The following RYR3 variants were observed in gnomAD, a reference collection of about 807,000 sequenced individuals.
RYR3 encodes ryanodine receptor 3.
RYR3 carries 207 observed loss-of-function variants against 584.3 expected under a neutral mutation model. The ratio of observed to expected loss-of-function variants is 0.35; its 90% CI spans 0.32 to 0.40. RYR3 has a LOEUF of 0.40. Ranked by LOEUF, RYR3 falls within the 10% of genes least tolerant of loss-of-function variation. The pLI, the probability that RYR3 is intolerant of heterozygous loss-of-function variation, is 1.00. For missense variants in RYR3, 5,616 were observed against 6,089.2 expected, an observed-to-expected ratio of 0.92 and a Z score of 2.59; for synonymous variants, 2,416 against 2,248.5, an observed-to-expected ratio of 1.07 and a Z score of -2.11.
chr15:33,363,476 T>C (rs1221297750), intron 1 of RYR3, among the ~76,000 whole-genome samples: 1 of 152,220 alleles, frequency 6.6e-6, no homozygotes, highest in Non-Finnish European at 1.5e-5. Flanking sequence ...ACTAGTGGCA[T>C]GGAAGCTCCT....
At chr15:33,551,098 G>T (rs946311520) in intron 10 of RYR3, among the ~76,000 whole-genome samples, 8 of 152,188 alleles carry the variant, frequency 5.3e-5, no homozygotes, top group Non-Finnish European at 1.2e-4. Flanking sequence ...GCTGGATCTA[G>T]CTGAACGGTC....
At position 33,652,770 on chromosome 15, in the gene RYR3, T is replaced by G; in HGVS notation, c.4195T>G (p.Ser1399Ala). 5 of 1,613,894 alleles carry G rather than the reference T, an allele frequency of 3.1e-6. No homozygotes were observed. Among genetic ancestry groups the G allele is most frequent in the Non-Finnish European group, 3.4e-6 (4 of 1,179,846 alleles). Residue 1399 changes from serine to alanine, a missense_variant, in exon 32 of 104, where the codon TCC becomes GCC. By Grantham distance (99) the Ser-to-Ala change is moderately conservative. Transcript: ENST00000634891. ...CTGGGGTGGAGACATTGTAGCCAGTTCCCAGAGATCAAATCGGAGCAACGT... is the reference window on the plus strand; with the variant it reads ...CTGGGGTGGAGACATTGTAGCCAGTGCCCAGAGATCAAATCGGAGCAACGT... ...MVWGGDIVAS[S>A]QRSNRSNVDL...
intron 1 of RYR3, among the ~76,000 whole-genome samples, chr15:33,466,076 TG>T (rs780921778): frequency 1.3e-5 from 2 of 152,206 alleles, no homozygotes; most frequent in African/African-American, 4.8e-5. Flanking sequence ...GAGTAGCATT[TG>T]GAAACACAAG....
chr15:33,547,452 T>A (rs1188236322), intron 8 of RYR3, among the ~76,000 whole-genome samples: 1 of 152,182 alleles, frequency 6.6e-6, no homozygotes, highest in Non-Finnish European at 1.5e-5. Flanking sequence ...AAACGTACCC[T>A]GGTAATATAG....
At chr15:33,825,974 T>A (rs763439985) in intron 82 of RYR3, among the ~76,000 whole-genome samples, 3 of 152,078 alleles carry the variant, frequency 2.0e-5, no homozygotes, top group Non-Finnish European at 4.4e-5. Flanking sequence ...CCTCAGGTGA[T>A]CCACCCCACC....
chr15:33,447,159 G>C (rs1440919150), intron 1 of RYR3, among the ~76,000 whole-genome samples: 2 of 152,236 alleles, frequency 1.3e-5, no homozygotes, highest in African/African-American at 4.8e-5. Context: ...ACATGTGTTA[G>C]TATTAGTTTG....
intron 60 of RYR3, among the ~76,000 whole-genome samples, chr15:33,763,904 A>AAAAAAAAAAAAAAAAAAAAAC (rs1567121773): frequency 1.5e-5 from 2 of 130,576 alleles, no homozygotes; most frequent in African/African-American, 6.6e-5. Context: ...AAAAAAAAAA[A>AAAAAAAAAAAAAAAAAAAAAC]AAAAAAAAAA....
intron 13 of RYR3, among the ~76,000 whole-genome samples, chr15:33,580,695 A>G (rs138309989): frequency 6.6e-6 from 1 of 152,310 alleles, no homozygotes; most frequent in African/African-American, 2.4e-5. Context: ...ACAAGCCACA[A>G]GCCTTTTCCA....
chr15:33,671,740 T>C (rs2063846871), intron 38 of RYR3, among the ~76,000 whole-genome samples: 1 of 152,014 alleles, frequency 6.6e-6, no homozygotes, highest in African/African-American at 2.4e-5. Flanking sequence ...GTTACCCATA[T>C]GTCTCCTATA....
intron 32 of RYR3, among the ~76,000 whole-genome samples, chr15:33,655,791 A>G (rs974255921): frequency 6.6e-6 from 1 of 152,192 alleles, no homozygotes; most frequent in Non-Finnish European, 1.5e-5. Flanking sequence ...GTGTCCTGCC[A>G]TGCATTTGGT....
At chr15:33,706,849 T>G in intron 42 of RYR3, 70 bp from the exon 43 acceptor site, 1 of 1,439,904 alleles carries the variant, frequency 6.9e-7, no homozygotes, top group Non-Finnish European at 9.4e-7. Flanking sequence ...CACTTGTTAT[T>G]TTTTGAGGTG....
chr15:33,858,037 C>T lies in RYR3; in HGVS notation c.14142+123C>T, dbSNP rs1357646923. Reference sequence around the variant, plus strand: ...GAACTGTAGAGTTAGTTACAGAGCACAGCAGAGATTAAAGTAGAAGACAGA... The same window carrying T: ...GAACTGTAGAGTTAGTTACAGAGCATAGCAGAGATTAAAGTAGAAGACAGA... On this transcript the variant is annotated intron_variant, in intron 99 of 103. Coordinates refer to ENST00000634891, the MANE Select transcript of RYR3 (RefSeq NM_001036.6). The T allele has an allele frequency of 2.4e-6, 3 of 1,258,130 alleles. No homozygotes were observed. In the African/African-American group the frequency reaches 4.5e-5, roughly 19 times the overall value. The allele number at this position is 1,258,130 out of a possible 1,614,324, so 77.9% of individuals were successfully genotyped here.
chr15:33,591,824 G>A (rs143121098), intron 16 of RYR3, among the ~76,000 whole-genome samples: 2,654 of 152,124 alleles, frequency 0.017, 30 homozygotes, highest in African/African-American at 0.031. Flanking sequence ...AGCCTGGAGG[G>A]GCTGAATAGC....
chr15:33,650,563 G>A (rs1005230354), intron 31 of RYR3, among the ~76,000 whole-genome samples: 2 of 152,042 alleles, frequency 1.3e-5, no homozygotes, highest in African/African-American at 4.8e-5. Context: ...AAAATTTTTA[G>A]GACAGTGCCT....
At chr15:33,773,469 C>A in intron 63 of RYR3, 65 bp from the exon 64 acceptor site, 1 of 1,150,204 alleles carries the variant, frequency 8.7e-7, no homozygotes, top group East Asian at 2.5e-5. Context: ...TTTTTTTTTC[C>A]TCTTCATGGA....
intron 3 of RYR3, among the ~76,000 whole-genome samples, chr15:33,527,921 G>A (rs2054529825): frequency 6.6e-6 from 1 of 152,178 alleles, no homozygotes; most frequent in Non-Finnish European, 1.5e-5. Context: ...GCAAGGTGCT[G>A]AGTAGTGGGA....
intron 67 of RYR3, among the ~76,000 whole-genome samples, chr15:33,791,548 C>T (rs2075158017): frequency 6.6e-6 from 1 of 151,922 alleles, no homozygotes; most frequent in Non-Finnish European, 1.5e-5. Flanking sequence ...GGGGTGGTTC[C>T]CAGGGAGAGT....
At chr15:33,533,874 A>T (rs1052162313) in intron 5 of RYR3, among the ~76,000 whole-genome samples, 4 of 145,500 alleles carry the variant, frequency 2.7e-5, no homozygotes, top group Non-Finnish European at 4.6e-5. Context: ...TGTATCCTTT[A>T]TAATATCATT....
chr15:33,355,182 C>CAAAA (rs56127912), intron 1 of RYR3, among the ~76,000 whole-genome samples: 3 of 126,108 alleles, frequency 2.4e-5, no homozygotes, highest in Admixed American at 8.2e-5. Flanking sequence ...GAAACTCCCT[C>CAAAA]AAAAAAAAAA....
Sources: allele counts gnomAD v4.1 joint callset (sites outside exome capture counted in the v4.1 genomes callset), GRCh38; gene constraint gnomAD v4.1.1; transcripts MANE v1.5; gene names NCBI Gene and HGNC (gene_info 2026-07-23, HGNC 2026-07-21).